The following HS6ST3 variants were observed in gnomAD, a reference collection of about 807,000 sequenced individuals.
HS6ST3 encodes heparan sulfate 6-O-sulfotransferase 3.
Under a neutral mutation model 36.7 loss-of-function variants are expected in HS6ST3, and 12 were observed. The observed-to-expected ratio is 0.33, with a 90% CI of 0.21 to 0.53. The LOEUF (loss-of-function observed/expected upper bound fraction) is 0.53. Among genes scored for constraint, HS6ST3 ranks in the 20% least tolerant of loss-of-function variants. The pLI is 0.95. For synonymous variants in HS6ST3, 240 were observed against 257.5 expected, an observed-to-expected ratio of 0.93 and a Z score of 0.65; for missense variants, 584 against 640.9, an observed-to-expected ratio of 0.91 and a Z score of 0.96.
chr13:96,697,195 G>A (rs1368767853), intron 1 of HS6ST3, among the ~76,000 whole-genome samples: 2 of 151,258 alleles, frequency 1.3e-5, no homozygotes, highest in African/African-American at 4.9e-5. Context: ...GTGTATATAT[G>A]TATATGTTAT....
intron 1 of HS6ST3, among the ~76,000 whole-genome samples, chr13:96,267,640 A>G (rs1022572805): frequency 6.6e-6 from 1 of 152,020 alleles, no homozygotes. Context: ...TTACATCTTA[A>G]TTTCTTTTAT....
At chr13:96,121,944 A>G (rs2053927481) in intron 1 of HS6ST3, among the ~76,000 whole-genome samples, 1 of 152,154 alleles carries the variant, frequency 6.6e-6, no homozygotes, top group Non-Finnish European at 1.5e-5. Context: ...AATGAGGAGT[A>G]ACGTTTGTGA....
intron 1 of HS6ST3, among the ~76,000 whole-genome samples, chr13:96,211,604 G>A (rs2054399570): frequency 6.6e-6 from 1 of 152,004 alleles, no homozygotes; most frequent in Non-Finnish European, 1.5e-5. Flanking sequence ...TAAATATATT[G>A]TTTTCTATTA....
intron 1 of HS6ST3, among the ~76,000 whole-genome samples, chr13:96,123,986 T>C (rs2053938642): frequency 6.6e-6 from 1 of 152,194 alleles, no homozygotes; most frequent in Non-Finnish European, 1.5e-5. Flanking sequence ...AAATTAAAAA[T>C]GCAGAGCTTA....
chr13:96,386,237 TG>T (rs944119092), intron 1 of HS6ST3, among the ~76,000 whole-genome samples: 3 of 152,176 alleles, frequency 2.0e-5, no homozygotes, highest in Non-Finnish European at 4.4e-5. Flanking sequence ...GTCAGACACA[TG>T]AATTATGTGA....
intron 1 of HS6ST3, among the ~76,000 whole-genome samples, chr13:96,095,699 G>A (rs1395210285): frequency 1.3e-5 from 2 of 152,150 alleles, no homozygotes; most frequent in South Asian, 2.1e-4. Context: ...CTCCACAGCC[G>A]AGAGGGAAGC....
intron 1 of HS6ST3, among the ~76,000 whole-genome samples, chr13:96,252,323 T>C (rs2054611526): frequency 6.6e-6 from 1 of 152,240 alleles, no homozygotes; most frequent in African/African-American, 2.4e-5. Flanking sequence ...AGGAGTCATT[T>C]CCTCTAGTCT....
At chr13:96,618,811 A>G (rs1480064982) in intron 1 of HS6ST3, among the ~76,000 whole-genome samples, 4 of 152,190 alleles carry the variant, frequency 2.6e-5, no homozygotes, top group Non-Finnish European at 5.9e-5. Flanking sequence ...GCACACAGGC[A>G]TATGATGGAC....
intron 1 of HS6ST3, among the ~76,000 whole-genome samples, chr13:96,657,403 C>A (rs1052033067): frequency 6.6e-6 from 1 of 151,892 alleles, no homozygotes; most frequent in Non-Finnish European, 1.5e-5. Flanking sequence ...TACCTATGGT[C>A]CTAGCTACTT....
chr13:96,414,343 G>C (rs142627754), intron 1 of HS6ST3, among the ~76,000 whole-genome samples: 1 of 152,172 alleles, frequency 6.6e-6, no homozygotes, highest in South Asian at 2.1e-4. Context: ...GAGTTTGAAG[G>C]GTTCTTAATA....
chr13:96,722,988 C>CGCGT (rs1875888870), intron 1 of HS6ST3, among the ~76,000 whole-genome samples: 2 of 143,568 alleles, frequency 1.4e-5, no homozygotes. Flanking sequence ...AAAAAATATA[C>CGCGT]GTGTGTGTGT....
intron 1 of HS6ST3, among the ~76,000 whole-genome samples, chr13:96,112,996 A>G (rs866988055): frequency 6.6e-6 from 1 of 152,008 alleles, no homozygotes; most frequent in Non-Finnish European, 1.5e-5. Flanking sequence ...GTGAATTCCA[A>G]CAGCTCTCTT....
chr13:96,648,003 C>A (rs1007647197), intron 1 of HS6ST3, among the ~76,000 whole-genome samples: 1 of 151,980 alleles, frequency 6.6e-6, no homozygotes, highest in African/African-American at 2.4e-5. Context: ...GCTTTAATTA[C>A]CACTTGTTAG....
At chr13:96,146,865 T>G (rs1668942329) in intron 1 of HS6ST3, among the ~76,000 whole-genome samples, 1 of 152,204 alleles carries the variant, frequency 6.6e-6, no homozygotes, top group Non-Finnish European at 1.5e-5. Context: ...TATTAGCTAG[T>G]TTTGAACTGT....
At position 96,601,910 on chromosome 13, in the gene HS6ST3, T is replaced by C. The variant is rs181902473; in HGVS notation, c.708-230580T>C. Reference sequence around the variant, plus strand: ...GTTGTTTATGGAGAATCTTTGGCTTTCTCAGATGCTGGTTATAGTAGTGAT... The same window carrying C: ...GTTGTTTATGGAGAATCTTTGGCTTCCTCAGATGCTGGTTATAGTAGTGAT... On this transcript the variant is annotated intron_variant, in intron 1 of 1. Transcript: ENST00000376705. Among the ~76,000 whole-genome samples the C allele has an allele frequency of 8.7e-4, 133 of 152,340 alleles. 2 individuals are homozygous for C. Among genetic ancestry groups the C allele is most frequent in the Admixed American group, 1.6e-3 (25 of 15,292 alleles).
intron 1 of HS6ST3, among the ~76,000 whole-genome samples, chr13:96,556,460 TA>T (rs371514578): frequency 3.3e-5 from 5 of 152,226 alleles, no homozygotes; most frequent in Non-Finnish European, 7.4e-5. Flanking sequence ...AGCAATATTT[TA>T]TTTGGGTTTT....
chr13:96,623,787 T>C (rs1594820899), intron 1 of HS6ST3, among the ~76,000 whole-genome samples: 1 of 152,262 alleles, frequency 6.6e-6, no homozygotes, highest in African/African-American at 2.4e-5. Flanking sequence ...GAAATCCAAA[T>C]GGAAAGTGGA....
chr13:96,687,100 T>G (rs1367027517), intron 1 of HS6ST3, among the ~76,000 whole-genome samples: 1 of 152,000 alleles, frequency 6.6e-6, no homozygotes, highest in East Asian at 1.9e-4. Context: ...CTTTTTTTTT[T>G]TTTTTACAAA....
chr13:96,247,446 C>A (rs1018481219), intron 1 of HS6ST3, among the ~76,000 whole-genome samples: 1 of 151,976 alleles, frequency 6.6e-6, no homozygotes, highest in Non-Finnish European at 1.5e-5. Context: ...ATGAGATCTG[C>A]TGGTTTTATA....
Sources: allele counts gnomAD v4.1 joint callset (sites outside exome capture counted in the v4.1 genomes callset), GRCh38; gene constraint gnomAD v4.1.1; transcripts MANE v1.5; gene names NCBI Gene and HGNC (gene_info 2026-07-23, HGNC 2026-07-21).